The following PAPPA2 variants were observed in gnomAD, a reference collection of about 807,000 sequenced individuals.
The protein encoded by PAPPA2 is pappalysin-2.
PAPPA2 carries 86 observed loss-of-function variants against 176.4 expected under a neutral mutation model. The observed-to-expected ratio is 0.49, with a 90% CI of 0.41 to 0.58. PAPPA2 has a LOEUF of 0.58. Ranked by LOEUF, PAPPA2 falls within the 20% of genes least tolerant of loss-of-function variation. The pLI is 0.00. For missense variants in PAPPA2, 2,073 were observed against 2,256.9 expected (o/e 0.92, Z 1.65); for synonymous variants, 809 against 852.2 (o/e 0.95, Z 0.88).
At chr1:176,811,057 G>A (rs1219763118) in intron 21 of PAPPA2, among the ~76,000 whole-genome samples, 2 of 151,868 alleles carry the variant, frequency 1.3e-5, no homozygotes, top group African/African-American at 2.4e-5. Context: ...GGATAGTCAC[G>A]GATTATTCTT....
At chr1:176,750,139 T>C (rs951667684) in intron 14 of PAPPA2, among the ~76,000 whole-genome samples, 1 of 152,172 alleles carries the variant, frequency 6.6e-6, no homozygotes, top group East Asian at 1.9e-4. Context: ...TCCTTTTTTC[T>C]TTTCATCATA....
chr1:176,590,015 T>C (rs553723672), intron 2 of PAPPA2, among the ~76,000 whole-genome samples: 3 of 152,296 alleles, frequency 2.0e-5, no homozygotes, highest in Non-Finnish European at 4.4e-5. Flanking sequence ...TGACTCCAAT[T>C]TGTAGCTAGA....
At chr1:176,753,075 A>G (rs1195530321) in intron 14 of PAPPA2, among the ~76,000 whole-genome samples, 1 of 152,206 alleles carries the variant, frequency 6.6e-6, no homozygotes, top group Non-Finnish European at 1.5e-5. Context: ...TTTATGTCCT[A>G]ATAGTCCCCA....
chr1:176,567,056 C>A (rs1652026995), intron 2 of PAPPA2, among the ~76,000 whole-genome samples: 1 of 152,158 alleles, frequency 6.6e-6, no homozygotes, highest in African/African-American at 2.4e-5. Flanking sequence ...ACATCATACA[C>A]CCCCTGGCCC....
At chr1:176,554,996 TGTGTGA>T (rs1029421443) in intron 1 of PAPPA2, among the ~76,000 whole-genome samples, 23 of 103,674 alleles carry the variant, frequency 2.2e-4, no homozygotes, top group African/African-American at 7.2e-4. Context: ...TGTGTGTGTG[TGTGTGA>T]GAGAGAGAGA....
intron 1 of PAPPA2, among the ~76,000 whole-genome samples, chr1:176,478,546 C>A (rs552631150): frequency 1.3e-5 from 2 of 152,218 alleles, no homozygotes; most frequent in Non-Finnish European, 2.9e-5. Context: ...ACAATCACAG[C>A]CTCATGATAG....
At chr1:176,753,239 A>C (rs1227979886) in intron 14 of PAPPA2, among the ~76,000 whole-genome samples, 1 of 152,194 alleles carries the variant, frequency 6.6e-6, no homozygotes, top group Non-Finnish European at 1.5e-5. Context: ...GCCGGGGCAC[A>C]GCTCAGTACT....
intron 1 of PAPPA2, among the ~76,000 whole-genome samples, chr1:176,495,884 C>T (rs1647585257): frequency 6.6e-6 from 1 of 152,008 alleles, no homozygotes; most frequent in African/African-American, 2.4e-5. Context: ...CCTCCCGCTC[C>T]ATCTTCCTGA....
chr1:176,575,343 T>A (rs112513455), intron 2 of PAPPA2, among the ~76,000 whole-genome samples: 339 of 152,320 alleles, frequency 2.2e-3, no homozygotes, highest in African/African-American at 7.7e-3. Context: ...TCATTATTAT[T>A]ATAATTTTTT....
intron 3 of PAPPA2, among the ~76,000 whole-genome samples, chr1:176,644,040 T>C (rs779069525): frequency 4.0e-5 from 6 of 151,804 alleles, no homozygotes; most frequent in Non-Finnish European, 5.9e-5. Flanking sequence ...AACTTTCAAA[T>C]GGATAAGGTT....
chr1:176,699,369 C>A lies in PAPPA2; in HGVS notation c.3016C>A (p.Pro1006Thr). ...LGPLDTFCDI[P>T]LTIKLHVDGK... ...CCCCTTAGACACTTTCTGTGACATC[C>A]CACTCACCATCAAACTGCACGTGGA... The change falls in exon 8 of 23, where the codon CCA (proline) becomes ACA (threonine). Residue 1006 changes from proline (P) to threonine (T), a missense_variant. This residue lies in a region of PAPPA2 where 1,196 missense variants were observed against 1,330.4 expected (regional missense o/e 0.90). Transcript: ENST00000367662. 6.2e-7 allele frequency: 1 copy of A among 1,614,130 alleles called. No individual in the cohort carries two copies. Among genetic ancestry groups the A allele is most frequent in the Admixed American group, 1.7e-5 (1 of 60,016 alleles).
intron 2 of PAPPA2, among the ~76,000 whole-genome samples, chr1:176,563,786 AC>A (rs2102601697): frequency 6.6e-6 from 1 of 152,044 alleles, no homozygotes; most frequent in African/African-American, 2.4e-5. Context: ...TGGACCAAGG[AC>A]CCCAGGCGCT....
intron 3 of PAPPA2, among the ~76,000 whole-genome samples, chr1:176,652,608 G>A (rs1016817079): frequency 6.6e-5 from 10 of 151,704 alleles, no homozygotes; most frequent in African/African-American, 2.2e-4. Flanking sequence ...AAGGTACAAA[G>A]CAGAGTTTCC....
At chr1:176,670,480 T>C (rs1658928482) in intron 3 of PAPPA2, among the ~76,000 whole-genome samples, 1 of 152,228 alleles carries the variant, frequency 6.6e-6, no homozygotes, top group African/African-American at 2.4e-5. Flanking sequence ...TACTTTATGT[T>C]TTCTATCCTC....
chr1:176,495,826 G>A lies in PAPPA2; in HGVS notation c.-917+32408G>A, dbSNP rs374916358. Among the ~76,000 whole-genome samples, 53 of 150,694 alleles carry A rather than the reference G, an allele frequency of 3.5e-4. 1 individual carries two copies. Among genetic ancestry groups the A allele is most frequent in the Admixed American group, 1.1e-3 (16 of 15,138 alleles). ...TTTTTTTTTTTCATTAGAGATGGGT[G>A]GTGCGATCATAGCTCACTGCAGCCT... On this transcript the variant is annotated intron_variant, in intron 1 of 22. Coordinates refer to ENST00000367662, the MANE Select transcript of PAPPA2 (RefSeq NM_020318.3).
intron 21 of PAPPA2, among the ~76,000 whole-genome samples, chr1:176,830,823 C>T (rs562566687): frequency 3.9e-5 from 6 of 152,308 alleles, no homozygotes; most frequent in African/African-American, 1.4e-4. Flanking sequence ...GTGTCACAAA[C>T]ATTGGTACTA....
intron 4 of PAPPA2, among the ~76,000 whole-genome samples, chr1:176,673,442 C>T (rs1221789624): frequency 6.6e-6 from 1 of 152,104 alleles, no homozygotes; most frequent in Non-Finnish European, 1.5e-5. Flanking sequence ...ACTCCCATCA[C>T]CAAGAATAAC....
chr1:176,640,288 C>T (rs1347016598), intron 3 of PAPPA2, among the ~76,000 whole-genome samples: 1 of 150,926 alleles, frequency 6.6e-6, no homozygotes, highest in Non-Finnish European at 1.5e-5. Context: ...GTGCGCTGCA[C>T]CCATTAACTC....
chr1:176,734,888 G>A (rs1662327025), intron 12 of PAPPA2, among the ~76,000 whole-genome samples: 1 of 152,132 alleles, frequency 6.6e-6, no homozygotes, highest in African/African-American at 2.4e-5. Context: ...TTAAAATTGT[G>A]TAAAGCTTTT....
Sources: gnomAD v4.1 joint callset for allele counts (sites outside exome capture counted in the v4.1 genomes callset) on GRCh38, gnomAD v4.1.1 for gene constraint, gnomAD v4.1.1 regional missense constraint, MANE v1.5 for transcripts, NCBI Gene and HGNC (gene_info 2026-07-23, HGNC 2026-07-21) for gene names.